WDR49: variants seen among roughly 807,000 people sequenced by gnomAD.
WDR49 encodes the protein WD repeat domain 49.
In WDR49, 107 loss-of-function variants were observed where a neutral mutation model predicts 119.5. The ratio of observed to expected loss-of-function variants is 0.90; its 90% CI spans 0.77 to 1.05. The LOEUF is 1.05. Ranked by LOEUF, WDR49 falls within the 50% of genes least tolerant of loss-of-function variation. The pLI is 0.00. For synonymous variants in WDR49, 425 were observed against 418.8 expected (o/e 1.01, Z -0.18); for missense variants, 1,240 against 1,220.5 (o/e 1.02, Z -0.24).
At chr3:167,597,593 C>T (rs987296280) in intron 7 of WDR49, among the ~76,000 whole-genome samples, 4 of 152,100 alleles carry the variant, frequency 2.6e-5, no homozygotes, top group African/African-American at 9.7e-5. Flanking sequence ...ACACTCAACA[C>T]CAGCTTGTAA....
In WDR49 at chr3:167,602,177, C is replaced by A. The variant is rs150732095; in HGVS notation, c.1225G>T (p.Val409Phe). Residue 409 changes from valine to phenylalanine, a missense_variant, in exon 7 of 19, where the codon GTC becomes TTC. Physicochemically the swap from Val to Phe is conservative, Grantham distance 50 (BLOSUM62 -1). Transcript: ENST00000682715. ...LWGHSASVIA[V>F]QFFVERKQLF... is the part of the protein sequence containing the mutation. ...TGTTTTCTTTCCACAAAGAATTGGACGGCTATTACACTGGCTGAGTGGCCC... is the reference window on the plus strand; with the variant it reads ...TGTTTTCTTTCCACAAAGAATTGGAAGGCTATTACACTGGCTGAGTGGCCC... 1 of 1,603,722 alleles carries A rather than the reference C, an allele frequency of 6.2e-7. No individual in the cohort carries two copies. Among genetic ancestry groups the A allele is most frequent in the South Asian group, 1.1e-5 (1 of 89,702 alleles).
At chr3:167,600,904 A>C (rs2108304817) in intron 7 of WDR49, among the ~76,000 whole-genome samples, 1 of 152,230 alleles carries the variant, frequency 6.6e-6, no homozygotes, top group Middle Eastern at 3.4e-3. Context: ...CGGGAAGTGA[A>C]GTGGGGCTAG....
intron 18 of WDR49, among the ~76,000 whole-genome samples, chr3:167,492,447 T>C (rs1751177477): frequency 6.6e-6 from 1 of 152,148 alleles, no homozygotes; most frequent in Admixed American, 6.6e-5. Context: ...TTAAATTCTT[T>C]ATGCCACAAA....
At chr3:167,587,038 A>G (rs1027442950) in intron 7 of WDR49, among the ~76,000 whole-genome samples, 1 of 152,208 alleles carries the variant, frequency 6.6e-6, no homozygotes, top group Non-Finnish European at 1.5e-5. Context: ...ATAATTCCAG[A>G]AAGACATTGC....
At chr3:167,520,403 A>G (rs1405000199) in intron 16 of WDR49, among the ~76,000 whole-genome samples, 1 of 152,112 alleles carries the variant, frequency 6.6e-6, no homozygotes, top group African/African-American at 2.4e-5. Flanking sequence ...TGTTACCCTA[A>G]GGTAACTTTA....
intron 2 of WDR49, among the ~76,000 whole-genome samples, chr3:167,630,554 C>G (rs1717326288): frequency 2.6e-5 from 4 of 152,072 alleles, no homozygotes; most frequent in Admixed American, 2.0e-4. Context: ...CTGAAGAGTG[C>G]TTAGTGAAGC....
intron 18 of WDR49, among the ~76,000 whole-genome samples, chr3:167,482,440 C>T (rs950168647): frequency 2.4e-4 from 37 of 151,228 alleles, no homozygotes; most frequent in Admixed American, 1.8e-3. Context: ...GAGGCCGAGG[C>T]GGGCGGATCA....
chr3:167,611,392 T>C (rs887353309), intron 5 of WDR49, among the ~76,000 whole-genome samples: 1 of 152,122 alleles, frequency 6.6e-6, no homozygotes, highest in African/African-American at 2.4e-5. Flanking sequence ...ACAATCACTT[T>C]CATTAGAGGA....
rs576292800 is a variant in WDR49, at chr3:167,568,485, GT to G, written c.1509+7432del. On this transcript the variant is annotated intron_variant, in intron 8 of 18. Coordinates refer to ENST00000682715, the MANE Select transcript of WDR49 (RefSeq NM_001366157.1). Reference sequence around the variant, plus strand: ...AGGTATTTCACAAAAAAAGTATATGGTTTTTTCACCTGCTGGTGTAACTACG... The same window carrying G: ...AGGTATTTCACAAAAAAAGTATATGGTTTTTCACCTGCTGGTGTAACTACG... Among the ~76,000 whole-genome samples the G allele has an allele frequency of 2.4e-4, 37 of 152,130 alleles. No individual in the cohort carries two copies. In the South Asian group the frequency reaches 3.1e-3, roughly 13 times the overall value.
chr3:167,515,098 T>C (rs1002219159), intron 16 of WDR49, among the ~76,000 whole-genome samples: 4 of 152,056 alleles, frequency 2.6e-5, no homozygotes, highest in African/African-American at 9.7e-5. Flanking sequence ...TTCCAAAAAA[T>C]TGAAAAGGAG....
chr3:167,654,758 G>T (rs1718540912), upstream of WDR49, among the ~76,000 whole-genome samples: 1 of 152,056 alleles, frequency 6.6e-6, no homozygotes, highest in Admixed American at 6.6e-5. Context: ...AATCAGCCGA[G>T]CATGGTGGCG....
intron 18 of WDR49, among the ~76,000 whole-genome samples, chr3:167,497,632 C>T (rs1751406178): frequency 6.6e-6 from 1 of 152,072 alleles, no homozygotes; most frequent in Non-Finnish European, 1.5e-5. Flanking sequence ...GTGTTTGCTG[C>T]TCTCATTATT....
intron 17 of WDR49, among the ~76,000 whole-genome samples, chr3:167,503,743 C>T (rs1025210491): frequency 6.6e-6 from 1 of 152,148 alleles, no homozygotes; most frequent in Non-Finnish European, 1.5e-5. Context: ...CGACTGAAAG[C>T]TCAGCCCGAG....
intron 14 of WDR49, among the ~76,000 whole-genome samples, chr3:167,528,332 G>A (rs186846853): frequency 1.3e-5 from 2 of 151,736 alleles, no homozygotes; most frequent in South Asian, 2.1e-4. Context: ...CATATACAAC[G>A]TTCAAATATT....
At chr3:167,516,052 T>C (rs902757954) in intron 16 of WDR49, among the ~76,000 whole-genome samples, 12 of 152,190 alleles carry the variant, frequency 7.9e-5, no homozygotes, top group Non-Finnish European at 1.5e-4. Flanking sequence ...AAAATCGCCA[T>C]ACTGCCCAAA....
At chr3:167,576,195 T>G (rs1385804948) in intron 7 of WDR49, 44 bp from the exon 8 acceptor site, 1 of 1,551,220 alleles carries the variant, frequency 6.4e-7, no homozygotes, top group Admixed American at 1.9e-5. Context: ...TCAAAGATAA[T>G]TGTAATCTTT....
Position 167,606,831 on chromosome 3 carries a change from T to C in WDR49, c.959-2363A>G, listed in dbSNP as rs139455777. ...TCCTCATTATAAGGGTCATGGCCAA[T>C]ACCCCTATAACCAAAGACAGGTTAA... On this transcript the variant is annotated intron_variant, in intron 5 of 18. Coordinates refer to ENST00000682715, the MANE Select transcript of WDR49 (RefSeq NM_001366157.1). 3.7e-3 allele frequency among the ~76,000 whole-genome samples: 559 copies of C among 152,258 alleles called. 6 individuals are homozygous for C. Among genetic ancestry groups the C allele is most frequent in the African/African-American group, 0.013 (528 of 41,542 alleles).
chr3:167,480,247 T>TA (rs1162973369), intron 18 of WDR49, among the ~76,000 whole-genome samples: 1,190 of 54,158 alleles, frequency 0.022, 3 homozygotes, highest in East Asian at 0.029. Flanking sequence ...AGACTCTGTC[T>TA]AAAAAAAAAA....
intron 16 of WDR49, among the ~76,000 whole-genome samples, chr3:167,522,009 GA>G (rs1560266225): frequency 0.089 from 12,788 of 144,122 alleles, 635 homozygotes; most frequent in Non-Finnish European, 0.11. Flanking sequence ...TAGATAGATA[GA>G]TAGATAGATT....
Sources: allele counts gnomAD v4.1 joint callset (sites outside exome capture counted in the v4.1 genomes callset), GRCh38; gene constraint gnomAD v4.1.1; transcripts MANE v1.5; gene names NCBI Gene and HGNC (gene_info 2026-07-23, HGNC 2026-07-21).